PRKCG: variants seen among roughly 807,000 people sequenced by gnomAD.
The protein encoded by PRKCG is protein kinase C gamma.
A neutral mutation model predicts 82.0 loss-of-function variants in PRKCG; 28 were observed. The observed-to-expected ratio is 0.34, with a 90% CI of 0.25 to 0.47. PRKCG has a LOEUF of 0.47. PRKCG is among the 20% of genes least tolerant of loss of function. The probability of loss-of-function intolerance (pLI) is 1.00; values close to 1 mark genes in which losing one functional copy is unlikely to be tolerated. For missense variants in PRKCG, 640 were observed against 952.7 expected (o/e 0.67, Z 4.32); for synonymous variants, 383 against 376.6 (o/e 1.02, Z -0.20).
At position 53,906,197 on chromosome 19, in the gene PRKCG, G is replaced by C. The variant is rs1179955676; in HGVS notation, c.1765-120G>C. The C allele has an allele frequency of 2.7e-5, 35 of 1,311,572 alleles. No individual in the cohort carries two copies. In the Middle Eastern group the frequency reaches 7.3e-4, roughly 27 times the overall value. The allele number at this position is 1,311,572 out of a possible 1,614,324, so 81.2% of individuals were successfully genotyped here. A position where few individuals can be genotyped will look rare whatever the true frequency, so the allele number is the denominator to read the frequency against. On this transcript the variant is annotated intron_variant, in intron 16 of 17. Transcript: ENST00000263431. The stretch of plus-strand genomic sequence containing the variant: ...TTCCCCTGGCTGTTCTTATCTCTCC[G>C]GATCTCATGCCTGTGTCTCTTGGTT...
chr19:53,894,322 C>T (rs1468876873), intron 9 of PRKCG, among the ~76,000 whole-genome samples: 2 of 152,194 alleles, frequency 1.3e-5, no homozygotes, highest in Non-Finnish European at 2.9e-5. Context: ...GCCTCAGCCT[C>T]CCAAAGTGCT....
rs2068689136 is a variant in PRKCG, at chr19:53,892,802, C to CT, written c.821+160dup. On this transcript the variant is annotated intron_variant, in intron 7 of 17. Transcript: ENST00000263431. The surrounding 1 kb of genome is among the most constrained non-coding windows in gnomAD (Gnocchi z 5.9). ...CACACGCACACACACGCACACACCC[C>CT]TCTCTCTCTATTCTTCTCTTCTTCT... Among the ~76,000 whole-genome samples, 4 of 144,162 alleles carry CT rather than the reference C, an allele frequency of 2.8e-5. No individual in the cohort carries two copies. The highest frequency in any genetic ancestry group is 8.0e-5 in the African/African-American group (3 of 37,420). The allele number at this position is 144,162 out of a possible 152,430, so 94.6% of individuals were successfully genotyped here.
chr19:53,897,882 C>G (rs1462804840), intron 9 of PRKCG, 77 bp from the exon 10 acceptor site: 1 of 1,590,734 alleles, frequency 6.3e-7, no homozygotes, highest in Non-Finnish European at 8.6e-7. Flanking sequence ...TTCTTGGGTG[C>G]TGTGTCTCTT....
chr19:53,882,268 C>A lies in PRKCG; in HGVS notation c.-227C>A, dbSNP rs2068597298. ...TGCCTCCGGCTGCCGGCGCCCCTGCCTTTGGCTCTTCCTCCCCACTCGCCC... is the reference window on the plus strand; with the variant it reads ...TGCCTCCGGCTGCCGGCGCCCCTGCATTTGGCTCTTCCTCCCCACTCGCCC... On this transcript the variant is annotated 5_prime_UTR_variant, in exon 1 of 18. Coordinates refer to ENST00000263431, the MANE Select transcript of PRKCG (RefSeq NM_002739.5). The surrounding 1 kb of genome is among the most constrained non-coding windows in gnomAD (Gnocchi z 6.1). 2 of 622,094 alleles carry A rather than the reference C, an allele frequency of 3.2e-6. No homozygotes were observed. Among genetic ancestry groups the A allele is most frequent in the Non-Finnish European group, 2.8e-6 (1 of 357,236 alleles). The allele number at this position is 622,094 out of a possible 1,614,324, so 38.5% of individuals were successfully genotyped here. A position where few individuals can be genotyped will look rare whatever the true frequency, so the allele number is the denominator to read the frequency against.
rs2068656856 is a variant in PRKCG at position 53,889,658 on chromosome 19, G to A, written c.306G>A (p.Lys102=). ...CCCAGGACCCCCGGAACAAACACAAGTTCCGCCTGCATAGCTACAGCAGCC... is the reference window on the plus strand; with the variant it reads ...CCCAGGACCCCCGGAACAAACACAAATTCCGCCTGCATAGCTACAGCAGCC... ...PQTDDPRNKH[K]FRLHSYSSPT... The change falls in exon 4 of 18, where the codon AAG becomes AAA. Residue 102 remains lysine (K), a synonymous_variant. Transcript: ENST00000263431. The surrounding 1 kb of genome is among the most constrained non-coding windows in gnomAD (Gnocchi z 4.4). 6 of 1,614,090 alleles carry A rather than the reference G, an allele frequency of 3.7e-6. No individual in the cohort carries two copies. The highest frequency in any genetic ancestry group is 5.1e-6 in the Non-Finnish European group (6 of 1,179,998).
intron 16 of PRKCG, 110 bp downstream of exon 16, chr19:53,904,852 T>C: frequency 1.1e-6 from 1 of 904,780 alleles, no homozygotes; most frequent in Non-Finnish European, 1.8e-6. Context: ...TTTACTTCCA[T>C]CTGTTGGAAA....
chr19:53,893,867 C>T (rs977841272), intron 9 of PRKCG, among the ~76,000 whole-genome samples: 5 of 151,962 alleles, frequency 3.3e-5, no homozygotes, highest in Admixed American at 6.6e-5. Context: ...AATTCTCTTG[C>T]CTCAGCCTCC....
intron 11 of PRKCG, among the ~76,000 whole-genome samples, chr19:53,899,974 G>C (rs987094115): frequency 1.3e-5 from 2 of 152,186 alleles, no homozygotes; most frequent in East Asian, 3.9e-4. Flanking sequence ...GATTTCGAGC[G>C]AATGGTGGGC....
chr19:53,903,657 C>T (rs751973232), intron 15 of PRKCG, among the ~76,000 whole-genome samples: 24 of 152,120 alleles, frequency 1.6e-4, no homozygotes, highest in Non-Finnish European at 2.8e-4. Flanking sequence ...GCAGGAGGGT[C>T]ACATGAGCCC....
At chr19:53,898,782 C>CAG (rs766916060) in intron 11 of PRKCG, among the ~76,000 whole-genome samples, 154 bp downstream of exon 11, 1 of 30,096 alleles carries the variant, frequency 3.3e-5, no homozygotes, top group Non-Finnish European at 5.9e-5. Flanking sequence ...GGGGCGTGGC[C>CAG]GGGGGGGGGT....
intron 9 of PRKCG, among the ~76,000 whole-genome samples, chr19:53,893,902 C>T (rs532497588): frequency 5.3e-5 from 8 of 151,384 alleles, no homozygotes; most frequent in South Asian, 2.1e-4. Flanking sequence ...TACAGGTGAC[C>T]GCCACCACAC....
In PRKCG at chr19:53,892,784, A is replaced by C. The variant is rs866872215; in HGVS notation, c.821+141A>C. 1 of 1,081,010 alleles carries C rather than the reference A, an allele frequency of 9.3e-7. No homozygotes were observed. The highest frequency in any genetic ancestry group is 1.3e-6 in the Non-Finnish European group (1 of 749,360). 67.0% of individuals were successfully genotyped at this position (1,081,010 alleles called of 1,614,324 possible). A position where few individuals can be genotyped will look rare whatever the true frequency, so the allele number is the denominator to read the frequency against. On this transcript the variant is annotated intron_variant, in intron 7 of 17. Transcript: ENST00000263431. This position sits in a 1 kb window ranked among gnomAD's most constrained non-coding sequence, Gnocchi z 5.9. Reference sequence around the variant, plus strand: ...CACACACACACACACACACACACGCACACACACGCACACACCCCTCTCTCT... The same window carrying C: ...CACACACACACACACACACACACGCCCACACACGCACACACCCCTCTCTCT...
intron 8 of PRKCG, 52 bp downstream of exon 8, chr19:53,893,127 C>A: frequency 6.5e-7 from 1 of 1,542,684 alleles, no homozygotes; most frequent in Non-Finnish European, 8.9e-7. Flanking sequence ...TCCCACGGTT[C>A]AGAGCTGGCC....
At chr19:53,887,497 C>CGAA (rs2068639490) in intron 3 of PRKCG, among the ~76,000 whole-genome samples, 4 of 14,676 alleles carry the variant, frequency 2.7e-4, no homozygotes, top group Non-Finnish European at 4.1e-4. Flanking sequence ...AACTCTGTCT[C>CGAA]AAAAAAAAAA....
chr19:53,889,296 G>T lies in PRKCG; in HGVS notation c.286-342G>T, dbSNP rs1016487999. On this transcript the variant is annotated intron_variant, in intron 3 of 17. Transcript: ENST00000263431. The surrounding 1 kb of genome is among the most constrained non-coding windows in gnomAD (Gnocchi z 4.4). Reference sequence around the variant, plus strand: ...AATTTCAATCCCCCAACTTCTGGTGGTCCCCATCCCTGCCTCATTTTTTCT... The same window carrying T: ...AATTTCAATCCCCCAACTTCTGGTGTTCCCCATCCCTGCCTCATTTTTTCT... Among the ~76,000 whole-genome samples, 4 of 151,984 alleles carry T rather than the reference G, an allele frequency of 2.6e-5. No homozygotes were observed. The highest frequency in any genetic ancestry group is 9.7e-5 in the African/African-American group (4 of 41,360).
chr19:53,900,647 G>A lies in PRKCG; in HGVS notation c.1473G>A (p.Glu491=). Residue 491 remains glutamate, a synonymous_variant, in exon 14 of 18, where the codon GAG becomes GAA. Transcript: ENST00000263431. This position sits in a 1 kb window ranked among gnomAD's most constrained non-coding sequence, Gnocchi z 4.2. ...TGGACAATGTGATGCTGGATGCTGA[G>A]GGACACATCAAGATCACTGACTTTG... ...LKLDNVMLDA[E]GHIKITDFGM... is the part of the protein sequence containing the mutation. 1 of 1,614,238 alleles carries A rather than the reference G, an allele frequency of 6.2e-7. No individual in the cohort carries two copies. The highest frequency in any genetic ancestry group is 8.5e-7 in the Non-Finnish European group (1 of 1,180,046).
intron 3 of PRKCG, among the ~76,000 whole-genome samples, chr19:53,885,687 G>A (rs1057015025): frequency 2.0e-5 from 3 of 152,106 alleles, no homozygotes; most frequent in African/African-American, 7.2e-5. Context: ...TGTACAGATG[G>A]AGAGAGAGGC....
At position 53,892,770 on chromosome 19, in the gene PRKCG, A is replaced by G. The variant is rs1443034375; in HGVS notation, c.821+127A>G. 81 of 1,211,148 alleles carry G rather than the reference A, an allele frequency of 6.7e-5. No individual in the cohort carries two copies. Among genetic ancestry groups the G allele is most frequent in the Non-Finnish European group, 8.2e-5 (71 of 867,986 alleles). 75.0% of individuals were successfully genotyped at this position (1,211,148 alleles called of 1,614,324 possible). On this transcript the variant is annotated intron_variant, in intron 7 of 17. Transcript: ENST00000263431. This position sits in a 1 kb window ranked among gnomAD's most constrained non-coding sequence, Gnocchi z 5.9. ...AGCATGCGCACACACACACACACACACACACACACACGCACACACACGCAC... is the reference window on the plus strand; with the variant it reads ...AGCATGCGCACACACACACACACACGCACACACACACGCACACACACGCAC...
Position 53,884,286 on chromosome 19 carries a change from C to T in PRKCG, c.285+43C>T. 1 of 1,559,354 alleles carries T rather than the reference C, an allele frequency of 6.4e-7. No individual in the cohort carries two copies. Among genetic ancestry groups the T allele is most frequent in the Non-Finnish European group, 8.8e-7 (1 of 1,131,426 alleles). On this transcript the variant is annotated intron_variant, in intron 3 of 17. Transcript: ENST00000263431. The surrounding 1 kb of genome is among the most constrained non-coding windows in gnomAD (Gnocchi z 4.6). Reference sequence around the variant, plus strand: ...TGGTTCTCCTCCTCGGGCCGTGCCCCCGCCCTCACCCCCTCGGCGTCCGTC... The same window carrying T: ...TGGTTCTCCTCCTCGGGCCGTGCCCTCGCCCTCACCCCCTCGGCGTCCGTC...
Sources: allele counts gnomAD v4.1 joint callset (sites outside exome capture counted in the v4.1 genomes callset), GRCh38; gene constraint gnomAD v4.1.1; non-coding constraint Gnocchi (gnomAD v3.1); transcripts MANE v1.5; gene names NCBI Gene and HGNC (gene_info 2026-07-23, HGNC 2026-07-21).